CYRIA: variants seen among roughly 807,000 people sequenced by gnomAD.
CYRIA encodes the protein CYFIP-related Rac1 interactor A.
In CYRIA, 15 loss-of-function variants were observed where a neutral mutation model predicts 43.9. The observed-to-expected ratio is 0.34, with a 90% CI of 0.23 to 0.53. CYRIA has a LOEUF of 0.53. Ranked by LOEUF, CYRIA falls within the 20% of genes least tolerant of loss-of-function variation. The pLI, the probability that CYRIA is intolerant of heterozygous loss-of-function variation, is 0.94. For missense variants in CYRIA, 236 were observed against 394.2 expected, an observed-to-expected ratio of 0.60 and a Z score of 3.40; for synonymous variants, 117 against 136.0, an observed-to-expected ratio of 0.86 and a Z score of 0.97.
At chr2:16,556,146 C>T (rs1191293642) in intron 10 of CYRIA, among the ~76,000 whole-genome samples, 1 of 152,082 alleles carries the variant, frequency 6.6e-6, no homozygotes. Context: ...CCCTTAGAAA[C>T]ATTTTCTGTC....
intron 11 of CYRIA, 66 bp downstream of exon 11, chr2:16,555,003 T>C: frequency 1.5e-6 from 2 of 1,306,214 alleles, no homozygotes; most frequent in East Asian, 2.4e-5. Context: ...CACAACAGTA[T>C]TTAAATTTGC....
intron 10 of CYRIA, 79 bp downstream of exon 10, chr2:16,559,370 AGAGGTCCTGAG>A: frequency 7.1e-7 from 1 of 1,413,232 alleles, no homozygotes; most frequent in African/African-American, 1.4e-5. Flanking sequence ...CTCTCAGTGG[AGAGGTCCTGAG>A]GTGCCTGAGG....
At chr2:16,641,169 G>A (rs921680554) in intron 1 of CYRIA, among the ~76,000 whole-genome samples, 18 of 152,118 alleles carry the variant, frequency 1.2e-4, no homozygotes, top group African/African-American at 3.6e-4. Flanking sequence ...AAAGCAGCAC[G>A]GCTATTATTG....
chr2:16,607,856 C>A (rs1668462180), intron 2 of CYRIA, among the ~76,000 whole-genome samples: 1 of 152,172 alleles, frequency 6.6e-6, no homozygotes. Flanking sequence ...CTAGGCCTCC[C>A]AAAGTGCTGG....
intron 1 of CYRIA, among the ~76,000 whole-genome samples, chr2:16,648,976 A>G (rs752019743): frequency 4.7e-4 from 71 of 152,242 alleles, no homozygotes; most frequent in Non-Finnish European, 8.5e-4. Flanking sequence ...ACACTGCATT[A>G]TTTCCTCAAT....
At position 16,657,465 on chromosome 2, in the gene CYRIA, T is replaced by C. The variant is rs115519934; in HGVS notation, c.-167+8315A>G. ...AGTGAAATTTGAGAGCCCATGTTTT[T>C]TGATGTTTTTTGTTGTTTTTTTTTT... On this transcript the variant is annotated intron_variant, in intron 1 of 11. Coordinates refer to ENST00000381323, the MANE Select transcript of CYRIA (RefSeq NM_030797.4). Among the ~76,000 whole-genome samples the C allele has an allele frequency of 8.5e-3, 1,265 of 148,418 alleles. 22 individuals are homozygous for C. The highest frequency in any genetic ancestry group is 0.03 in the African/African-American group (1,199 of 39,382).
intron 2 of CYRIA, among the ~76,000 whole-genome samples, chr2:16,593,163 G>A (rs1667987086): frequency 1.3e-5 from 2 of 152,114 alleles, no homozygotes; most frequent in Admixed American, 1.3e-4. Flanking sequence ...TATAGTGTAA[G>A]ATATTCAGGG....
At chr2:16,562,254 C>T (rs1158893687) in intron 5 of CYRIA, 113 bp from the exon 6 acceptor site, 1 of 1,168,920 alleles carries the variant, frequency 8.6e-7, no homozygotes, top group African/African-American at 1.6e-5. Flanking sequence ...TTGAGTCTCT[C>T]CCGATAACTA....
At chr2:16,591,401 C>G (rs888158310) in intron 2 of CYRIA, among the ~76,000 whole-genome samples, 9 of 152,090 alleles carry the variant, frequency 5.9e-5, no homozygotes, top group Admixed American at 3.3e-4. Context: ...AAAATACAAA[C>G]AGGTTATACT....
intron 1 of CYRIA, among the ~76,000 whole-genome samples, chr2:16,643,620 C>A (rs1367185713): frequency 6.6e-6 from 1 of 152,218 alleles, no homozygotes; most frequent in African/African-American, 2.4e-5. Flanking sequence ...TATATTCACA[C>A]CTTTAAAATG....
At chr2:16,557,215 G>T (rs1000248113) in intron 10 of CYRIA, among the ~76,000 whole-genome samples, 3 of 152,108 alleles carry the variant, frequency 2.0e-5, no homozygotes, top group Non-Finnish European at 4.4e-5. Flanking sequence ...GATTCCCCCT[G>T]CCTGGAGGAC....
chr2:16,577,664 A>C (rs1667398112), intron 3 of CYRIA, among the ~76,000 whole-genome samples: 1 of 152,228 alleles, frequency 6.6e-6, no homozygotes, highest in East Asian at 1.9e-4. Context: ...GAAGAGTGTG[A>C]AGTGTCATGA....
intron 3 of CYRIA, among the ~76,000 whole-genome samples, chr2:16,569,170 G>C (rs1021030225): frequency 5.9e-5 from 9 of 152,120 alleles, no homozygotes; most frequent in Admixed American, 2.6e-4. Flanking sequence ...TAACCAGGGG[G>C]CTGGTACCAC....
At chr2:16,575,497 G>T (rs1667299498) in intron 3 of CYRIA, among the ~76,000 whole-genome samples, 1 of 152,100 alleles carries the variant, frequency 6.6e-6, no homozygotes, top group Non-Finnish European at 1.5e-5. Context: ...AATCATGGGG[G>T]TAAGTCTTTC....
At chr2:16,595,622 A>AT (rs1668048618) in intron 2 of CYRIA, among the ~76,000 whole-genome samples, 1 of 7,124 alleles carries the variant, frequency 1.4e-4, no homozygotes, top group Admixed American at 2.2e-3. Context: ...GCTTAAGGAG[A>AT]TTTTGAGCTG....
At chr2:16,638,196 G>T (rs1297496700) in intron 1 of CYRIA, among the ~76,000 whole-genome samples, 1 of 152,166 alleles carries the variant, frequency 6.6e-6, no homozygotes, top group Non-Finnish European at 1.5e-5. Flanking sequence ...CCACCCTGCA[G>T]GCTGTTACTG....
At chr2:16,593,151 C>T (rs73211561) in intron 2 of CYRIA, among the ~76,000 whole-genome samples, 8,934 of 152,208 alleles carry the variant, frequency 0.059, 835 homozygotes, top group African/African-American at 0.19. Context: ...TACAACTCCT[C>T]TTATAGTGTA....
chr2:16,551,622 G>A lies in CYRIA; in HGVS notation c.*1314C>T, dbSNP rs1666314621. On this transcript the variant is annotated 3_prime_UTR_variant, in exon 12 of 12. Transcript: ENST00000381323. ...TTCGAACTAAGCTCTGATGTACAGAGAGAATGACTGCAGGCTTCATAATAT... is the reference window on the plus strand; with the variant it reads ...TTCGAACTAAGCTCTGATGTACAGAAAGAATGACTGCAGGCTTCATAATAT... The A allele has an allele frequency of 6.6e-6, 1 of 152,132 alleles. No individual in the cohort carries two copies. The highest frequency in any genetic ancestry group is 2.1e-4 in the South Asian group (1 of 4,826). The allele number at this position is 152,132 out of a possible 1,614,324, so 9.4% of individuals were successfully genotyped here. A position where few individuals can be genotyped will look rare whatever the true frequency, so the allele number is the denominator to read the frequency against.
chr2:16,607,444 T>C (rs1668447214), intron 2 of CYRIA, among the ~76,000 whole-genome samples: 1 of 152,172 alleles, frequency 6.6e-6, no homozygotes, highest in Non-Finnish European at 1.5e-5. Flanking sequence ...TAAAGCTGGG[T>C]AAATTTTTTA....
Sources: gnomAD v4.1 joint callset for allele counts (sites outside exome capture counted in the v4.1 genomes callset) on GRCh38, gnomAD v4.1.1 for gene constraint, MANE v1.5 for transcripts, NCBI Gene and HGNC (gene_info 2026-07-23, HGNC 2026-07-21) for gene names.